The following ANK3 variants were observed in gnomAD, a reference collection of about 807,000 sequenced individuals.
ANK3 encodes ankyrin 3, also known as ankyrin-3.
In ANK3, 57 loss-of-function variants were observed where a neutral mutation model predicts 370.9. That is an observed-to-expected ratio of 0.15 (90% CI 0.12 to 0.19). The LOEUF is 0.19. Among genes scored for constraint, ANK3 ranks in the 10% least tolerant of loss-of-function variants. The pLI is 1.00. For missense variants in ANK3, 4,439 were observed against 5,302.1 expected, an observed-to-expected ratio of 0.84 and a Z score of 5.06; for synonymous variants, 1,929 against 1,946.3, an observed-to-expected ratio of 0.99 and a Z score of 0.23.
intron 2 of ANK3, among the ~76,000 whole-genome samples, chr10:60,433,372 T>C (rs1004458503): frequency 6.6e-6 from 1 of 152,152 alleles, no homozygotes; most frequent in Non-Finnish European, 1.5e-5. Flanking sequence ...ATTTTATTCA[T>C]GTACCCATTG....
chr10:60,627,118 G>T (rs1235955828), intron 1 of ANK3, among the ~76,000 whole-genome samples: 5 of 152,126 alleles, frequency 3.3e-5, no homozygotes, highest in African/African-American at 9.7e-5. Context: ...ATTCAATCCA[G>T]GGTCACATCA....
intron 2 of ANK3, among the ~76,000 whole-genome samples, chr10:60,562,959 C>T: frequency 6.6e-6 from 1 of 151,932 alleles, no homozygotes; most frequent in Non-Finnish European, 1.5e-5. Context: ...AGTCTATATC[C>T]CCCCCAAAGT....
At chr10:60,079,725 C>T (rs1323161097) in intron 36 of ANK3, among the ~76,000 whole-genome samples, 1 of 151,978 alleles carries the variant, frequency 6.6e-6, no homozygotes, top group Non-Finnish European at 1.5e-5. Context: ...AGCTCAATAC[C>T]CTTAGTTCCT....
At chr10:60,320,060 C>A (rs2048300305) in intron 1 of ANK3, among the ~76,000 whole-genome samples, 2 of 152,178 alleles carry the variant, frequency 1.3e-5, no homozygotes, top group Non-Finnish European at 2.9e-5. Flanking sequence ...AAACTTGTTT[C>A]TCCTCAGTTC....
At chr10:60,310,600 C>T (rs908273685) in intron 1 of ANK3, among the ~76,000 whole-genome samples, 1 of 152,024 alleles carries the variant, frequency 6.6e-6, no homozygotes, top group East Asian at 1.9e-4. Context: ...AGGAAGAGAA[C>T]AAATTAATAA....
chr10:60,200,120 T>G lies in ANK3; in HGVS notation c.1491+9A>C. On this transcript the variant is annotated intron_variant, in intron 13 of 43. Coordinates refer to ENST00000280772, the MANE Select transcript of ANK3 (RefSeq NM_020987.5). ...TCAATTTCAAACACTTGTCAAGTATTGCGCATACCTTAGCTTTAGCTTCTA... is the reference window on the plus strand; with the variant it reads ...TCAATTTCAAACACTTGTCAAGTATGGCGCATACCTTAGCTTTAGCTTCTA... 6.2e-7 allele frequency: 1 copy of G among 1,610,518 alleles called. No homozygotes were observed. The highest frequency in any genetic ancestry group is 8.5e-7 in the Non-Finnish European group (1 of 1,176,866).
At chr10:60,191,963 C>T (rs546551179) in intron 16 of ANK3, among the ~76,000 whole-genome samples, 3 of 152,198 alleles carry the variant, frequency 2.0e-5, no homozygotes, top group Non-Finnish European at 4.4e-5. Context: ...GGCTGGAGTG[C>T]AGTGGCGCGG....
At chr10:60,406,128 T>C (rs2063450947) in intron 2 of ANK3, among the ~76,000 whole-genome samples, 1 of 152,202 alleles carries the variant, frequency 6.6e-6, no homozygotes, top group African/African-American at 2.4e-5. Flanking sequence ...TCAAACTTTC[T>C]GTAAGGGGCT....
rs1467043856 is a variant in ANK3, at chr10:60,213,328, A to AT, written c.996+83dup. The AT allele has an allele frequency of 3.3e-6, 3 of 922,500 alleles. No individual in the cohort carries two copies. The African/African-American group carries it at 4.9e-5, about 15-fold the overall frequency. 57.1% of individuals were successfully genotyped at this position (922,500 alleles called of 1,614,324 possible). A position where few individuals can be genotyped will look rare whatever the true frequency, so the allele number is the denominator to read the frequency against. On this transcript the variant is annotated intron_variant, in intron 9 of 43. Coordinates refer to ENST00000280772, the MANE Select transcript of ANK3 (RefSeq NM_020987.5). ...CTCTGACTGCTACATTGAAAATGTC[A>AT]TTTTCTATGTGATTCAAAAGGCTAG...
At chr10:60,051,375 T>G (rs1163054922) in intron 42 of ANK3, 3 of 448,484 alleles carry the variant, frequency 6.7e-6, no homozygotes, top group African/African-American at 6.4e-5. Flanking sequence ...TTATCAAGCA[T>G]GCTGAAATTT....
At chr10:60,041,287 T>C (rs1477921632) in intron 43 of ANK3, among the ~76,000 whole-genome samples, 4 of 152,180 alleles carry the variant, frequency 2.6e-5, no homozygotes, top group Non-Finnish European at 5.9e-5. Context: ...GCTTTTCGGG[T>C]ACAGCCCAGA....
intron 7 of ANK3, 125 bp from the exon 8 acceptor site, chr10:60,234,911 G>A (rs2097305395): frequency 1.6e-6 from 1 of 627,464 alleles, no homozygotes; most frequent in Non-Finnish European, 2.9e-6. Flanking sequence ...TATGAACAGT[G>A]TGCTTCCTAA....
intron 16 of ANK3, among the ~76,000 whole-genome samples, chr10:60,187,782 G>A (rs551498732): frequency 6.6e-6 from 1 of 152,016 alleles, no homozygotes; most frequent in Non-Finnish European, 1.5e-5. Context: ...CTTCATGCTG[G>A]TCTGTCATCC....
intron 2 of ANK3, among the ~76,000 whole-genome samples, chr10:60,477,281 G>C (rs1349653403): frequency 6.6e-6 from 1 of 151,958 alleles, no homozygotes. Context: ...GCCAATTTCT[G>C]TCTGGAAAAA....
upstream of ANK3, among the ~76,000 whole-genome samples, chr10:60,394,229 C>T (rs941760808): frequency 1.1e-4 from 16 of 150,468 alleles, no homozygotes; most frequent in East Asian, 3.9e-4. Context: ...AGAAAACAAG[C>T]GCTAAACTTG....
chr10:60,435,494 T>C (rs1279603819), intron 2 of ANK3, among the ~76,000 whole-genome samples: 3 of 152,198 alleles, frequency 2.0e-5, no homozygotes, highest in Non-Finnish European at 4.4e-5. Flanking sequence ...TTATCTTTTT[T>C]CCTTAAGATG....
chr10:60,068,819 A>G lies in ANK3; in HGVS notation c.12062T>C (p.Met4021Thr), dbSNP rs750156227. 5 of 1,614,192 alleles carry G rather than the reference A, an allele frequency of 3.1e-6. No individual in the cohort carries two copies. In the South Asian group the frequency reaches 5.5e-5, roughly 18 times the overall value. ...TTCCTCATCGGACAACTCGGACTGC[A>G]TCTTTTTTTCTTCTTCAGAGAGGCG... is the stretch of plus-strand genomic sequence containing the variant. ...VDRLSEEEKK[M>T]QSELSDEEES... The change falls in exon 37 of 44, where the codon ATG becomes ACG. Residue 4021 changes from methionine to threonine, a missense_variant. This residue lies in a region of ANK3 where 496 missense variants were observed against 529.3 expected (regional missense o/e 0.94). Transcript: ENST00000280772.
At chr10:60,233,454 T>C (rs985240480) in intron 8 of ANK3, among the ~76,000 whole-genome samples, 6 of 152,126 alleles carry the variant, frequency 3.9e-5, no homozygotes, top group African/African-American at 1.4e-4. Flanking sequence ...TGTTGTTTTG[T>C]TTTGTTTTAG....
chr10:60,155,398 G>T (rs550870676), intron 23 of ANK3, among the ~76,000 whole-genome samples: 71 of 152,254 alleles, frequency 4.7e-4, no homozygotes, highest in African/African-American at 1.5e-3. Flanking sequence ...GGCCAGAGGG[G>T]AATCCTCCAC....
Sources: gnomAD v4.1 joint callset for allele counts (sites outside exome capture counted in the v4.1 genomes callset) on GRCh38, gnomAD v4.1.1 for gene constraint, gnomAD v4.1.1 regional missense constraint, MANE v1.5 for transcripts, NCBI Gene and HGNC (gene_info 2026-07-23, HGNC 2026-07-21) for gene names.